XKR4: variants seen among roughly 807,000 people sequenced by gnomAD.
XKR4 encodes XK related 4.
XKR4 carries 12 observed loss-of-function variants against 53.9 expected under a neutral mutation model. That is an observed-to-expected ratio of 0.22 (90% CI 0.14 to 0.36). The LOEUF is 0.36. Ranked by LOEUF, XKR4 falls within the 10% of genes least tolerant of loss-of-function variation. The pLI, the probability that XKR4 is intolerant of heterozygous loss-of-function variation, is 1.00. For synonymous variants in XKR4, 354 were observed against 362.4 expected, an observed-to-expected ratio of 0.98 and a Z score of 0.26; for missense variants, 799 against 859.5, an observed-to-expected ratio of 0.93 and a Z score of 0.88.
At chr8:55,450,974 A>C (rs1805431829) in intron 2 of XKR4, 1 of 517,594 alleles carries the variant, frequency 1.9e-6, no homozygotes, top group Non-Finnish European at 3.7e-6. Flanking sequence ...GCTCAGCAGT[A>C]GGGCAGCCCA....
chr8:55,251,634 A>C (rs528594453), intron 1 of XKR4, among the ~76,000 whole-genome samples: 1 of 152,258 alleles, frequency 6.6e-6, no homozygotes, highest in African/African-American at 2.4e-5. Flanking sequence ...TTAAGTCAAA[A>C]CTCTAAATCT....
rs1807068204 is a variant in XKR4 at position 55,539,040 on chromosome 8, A to G, written c.*14813A>G. On this transcript the variant is annotated 3_prime_UTR_variant, in exon 3 of 3. Transcript: ENST00000327381. ...TGGGAATTCTACTAAAGGATAAAGGACACAGTGTGAAAACAACATCAGAGA... is the reference window on the plus strand; with the variant it reads ...TGGGAATTCTACTAAAGGATAAAGGGCACAGTGTGAAAACAACATCAGAGA... 1 of 152,244 alleles carries G rather than the reference A, an allele frequency of 6.6e-6. No homozygotes were observed. The highest frequency in any genetic ancestry group is 1.9e-4 in the East Asian group (1 of 5,200). The allele number at this position is 152,244 out of a possible 1,614,324, so 9.4% of individuals were successfully genotyped here.
At chr8:55,147,408 C>G (rs1016218116) in intron 1 of XKR4, among the ~76,000 whole-genome samples, 5 of 152,314 alleles carry the variant, frequency 3.3e-5, no homozygotes, top group African/African-American at 1.2e-4. Context: ...AGAGGAAAGT[C>G]TCTCCTATTT....
At chr8:55,312,131 T>G (rs913354474) in intron 1 of XKR4, among the ~76,000 whole-genome samples, 4 of 152,048 alleles carry the variant, frequency 2.6e-5, no homozygotes, top group Admixed American at 2.6e-4. Flanking sequence ...AACCCTGTTC[T>G]GTGATTTTTA....
At chr8:55,385,926 T>C (rs7828668) in intron 2 of XKR4, among the ~76,000 whole-genome samples, 4,181 of 152,276 alleles carry the variant, frequency 0.027, 168 homozygotes, top group African/African-American at 0.095. Flanking sequence ...TTCTTTGTGT[T>C]GTCTTTATTT....
intron 2 of XKR4, among the ~76,000 whole-genome samples, chr8:55,362,863 G>T (rs867064801): frequency 6.6e-6 from 1 of 152,158 alleles, no homozygotes; most frequent in African/African-American, 2.4e-5. Context: ...GGGGTCAAAG[G>T]GTGTGCTCCC....
chr8:55,382,769 T>C (rs968580542), intron 2 of XKR4, among the ~76,000 whole-genome samples: 8 of 151,344 alleles, frequency 5.3e-5, no homozygotes, highest in Admixed American at 2.0e-4. Context: ...TAGCATCTGG[T>C]TTTTTTTTAA....
intron 2 of XKR4, among the ~76,000 whole-genome samples, chr8:55,516,103 A>T (rs1806709460): frequency 6.6e-6 from 1 of 152,202 alleles, no homozygotes; most frequent in Admixed American, 6.5e-5. Context: ...TGTTCTTATG[A>T]CACTTATATT....
At chr8:55,285,349 A>G (rs988437745) in intron 1 of XKR4, among the ~76,000 whole-genome samples, 4 of 152,190 alleles carry the variant, frequency 2.6e-5, no homozygotes, top group Non-Finnish European at 5.9e-5. Context: ...CTCAAGGTCT[A>G]TGATGGGAAG....
chr8:55,184,518 A>G (rs1234285827), intron 1 of XKR4, among the ~76,000 whole-genome samples: 1 of 152,148 alleles, frequency 6.6e-6, no homozygotes, highest in African/African-American at 2.4e-5. Context: ...CTTTCTGGAC[A>G]TTACCAAGCC....
At chr8:55,237,544 CA>C (rs1196697346) in intron 1 of XKR4, among the ~76,000 whole-genome samples, 1 of 152,146 alleles carries the variant, frequency 6.6e-6, no homozygotes, top group African/African-American at 2.4e-5. Flanking sequence ...AGGAGGGTCT[CA>C]GGGGTGGCAG....
At chr8:55,267,921 G>A (rs980156995) in intron 1 of XKR4, among the ~76,000 whole-genome samples, 1 of 152,128 alleles carries the variant, frequency 6.6e-6, no homozygotes, top group Non-Finnish European at 1.5e-5. Flanking sequence ...TTGTGGTGAT[G>A]TATAAACTGA....
intron 2 of XKR4, among the ~76,000 whole-genome samples, chr8:55,389,597 A>T (rs1376759688): frequency 6.6e-6 from 1 of 152,190 alleles, no homozygotes; most frequent in African/African-American, 2.4e-5. Flanking sequence ...AGGAATACAG[A>T]TATACCATCC....
intron 2 of XKR4, among the ~76,000 whole-genome samples, chr8:55,407,298 C>T (rs1804698558): frequency 6.6e-6 from 1 of 152,170 alleles, no homozygotes; most frequent in Admixed American, 6.5e-5. Context: ...GGGTGTGAAG[C>T]GGGGCTTTCG....
intron 1 of XKR4, among the ~76,000 whole-genome samples, chr8:55,109,780 T>C (rs1379957246): frequency 6.6e-6 from 1 of 152,208 alleles, no homozygotes; most frequent in Non-Finnish European, 1.5e-5. Flanking sequence ...TATACATGTA[T>C]ACTATCAGTT....
rs1297731608 is a variant in XKR4 at position 55,102,563 on chromosome 8, G to A, written c.75G>A (p.Ser25=). The part of the protein sequence containing the change: ...SDVAFTPLQN[S]DHSGSVQGLA... ...TGGCGTTCACCCCGCTGCAGAACTC[G>A]GACCACTCGGGCTCGGTGCAGGGAT... Residue 25 remains serine, a synonymous_variant, in exon 1 of 3, where the codon TCG becomes TCA. Transcript: ENST00000327381. This position sits in a 1 kb window ranked among gnomAD's most constrained non-coding sequence, Gnocchi z 5.1. The A allele has an allele frequency of 3.2e-6, 5 of 1,553,576 alleles. No homozygotes were observed. The highest frequency in any genetic ancestry group is 1.4e-5 in the African/African-American group (1 of 70,308).
chr8:55,358,262 A>T (rs889413039), intron 2 of XKR4, among the ~76,000 whole-genome samples: 3 of 151,950 alleles, frequency 2.0e-5, no homozygotes, highest in Admixed American at 6.6e-5. Context: ...GTATGCATGT[A>T]TGTGTGTGTG....
At chr8:55,396,305 A>T (rs1242255314) in intron 2 of XKR4, among the ~76,000 whole-genome samples, 1 of 148,354 alleles carries the variant, frequency 6.7e-6, no homozygotes, top group Non-Finnish European at 1.5e-5. Context: ...CCTTATTTTC[A>T]CTTCTTTATC....
intron 1 of XKR4, among the ~76,000 whole-genome samples, chr8:55,248,237 A>G (rs1818316380): frequency 6.6e-6 from 1 of 152,170 alleles, no homozygotes; most frequent in Non-Finnish European, 1.5e-5. Flanking sequence ...ATTCATCACA[A>G]GGAACCCAGT....
Sources: allele counts gnomAD v4.1 joint callset (sites outside exome capture counted in the v4.1 genomes callset), GRCh38; gene constraint gnomAD v4.1.1; non-coding constraint Gnocchi (gnomAD v3.1); transcripts MANE v1.5; gene names NCBI Gene and HGNC (gene_info 2026-07-23, HGNC 2026-07-21).